ARFGEF2: variants seen among roughly 807,000 people sequenced by gnomAD.
ARFGEF2 encodes the protein brefeldin A-inhibited guanine nucleotide-exchange protein 2.
Under a neutral mutation model 219.9 loss-of-function variants are expected in ARFGEF2, and 74 were observed. That is an observed-to-expected ratio of 0.34 (90% confidence interval 0.28 to 0.41). The LOEUF is 0.41. ARFGEF2 is among the 10% of genes least tolerant of loss of function. ARFGEF2 has a pLI of 1.00. For missense variants in ARFGEF2, 1,743 were observed against 2,218.3 expected (o/e 0.79, Z 4.30); for synonymous variants, 733 against 799.2 (o/e 0.92, Z 1.40).
At chr20:49,017,428 A>G in intron 32 of ARFGEF2, 41 bp downstream of exon 32, 3 of 1,613,892 alleles carry the variant, frequency 1.9e-6, no homozygotes, top group East Asian at 4.5e-5. Flanking sequence ...CTCTGTGTTC[A>G]GTGGATGTCT....
chr20:48,985,285 A>C, intron 15 of ARFGEF2, 123 bp from the exon 16 acceptor site: 1 of 1,026,824 alleles, frequency 9.7e-7, no homozygotes, highest in Non-Finnish European at 1.5e-6. Context: ...TAGCTTTTTT[A>C]CCAGTCCAGC....
chr20:48,973,387 A>C (rs2091240515), intron 12 of ARFGEF2, 103 bp downstream of exon 12: 2 of 1,255,716 alleles, frequency 1.6e-6, no homozygotes, highest in African/African-American at 1.5e-5. Context: ...TACAGCAGTG[A>C]ACAAAACAGG....
At chr20:48,924,938 CT>C (rs1396515694) in intron 1 of ARFGEF2, among the ~76,000 whole-genome samples, 1 of 152,104 alleles carries the variant, frequency 6.6e-6, no homozygotes, top group Non-Finnish European at 1.5e-5. Flanking sequence ...CTTGCTATTA[CT>C]TTTTTATTAT....
At chr20:48,941,318 A>G in intron 2 of ARFGEF2, 89 bp downstream of exon 2, 4 of 1,362,212 alleles carry the variant, frequency 2.9e-6, no homozygotes, top group Non-Finnish European at 3.1e-6. Flanking sequence ...TTGGTTTCTC[A>G]TATTTCTAAT....
intron 6 of ARFGEF2, among the ~76,000 whole-genome samples, chr20:48,954,816 C>T (rs1019716875): frequency 1.3e-5 from 2 of 152,090 alleles, no homozygotes; most frequent in Non-Finnish European, 2.9e-5. Flanking sequence ...CTTCTGCTGT[C>T]GAGAGTCCTA....
intron 23 of ARFGEF2, among the ~76,000 whole-genome samples, chr20:48,996,314 G>T (rs558315503): frequency 6.6e-6 from 1 of 151,900 alleles, no homozygotes; most frequent in East Asian, 1.9e-4. Flanking sequence ...AATTAGTCAG[G>T]CGTGGTGGTG....
chr20:48,956,398 G>A (rs556543314), intron 6 of ARFGEF2, among the ~76,000 whole-genome samples: 105 of 152,110 alleles, frequency 6.9e-4, no homozygotes, highest in Non-Finnish European at 1.1e-3. Flanking sequence ...GGTGGCTCAC[G>A]CCTCCAATCC....
chr20:48,984,979 A>C (rs1377361970), intron 15 of ARFGEF2, 139 bp downstream of exon 15: 1 of 1,482,014 alleles, frequency 6.7e-7, no homozygotes, highest in East Asian at 2.5e-5. Flanking sequence ...TCTATTGTCC[A>C]CCCCCGGGTT....
At chr20:49,004,678 G>T (rs889875960) in intron 25 of ARFGEF2, among the ~76,000 whole-genome samples, 5 of 151,880 alleles carry the variant, frequency 3.3e-5, no homozygotes, top group Admixed American at 2.6e-4. Context: ...TGTAATCCCA[G>T]CTACTTGGGA....
In ARFGEF2 at chr20:48,984,825, G is replaced by A. The variant is rs2091317357; in HGVS notation, c.2055G>A (p.Glu685=). The A allele has an allele frequency of 6.2e-7, 1 of 1,612,590 alleles. No individual in the cohort carries two copies. Among genetic ancestry groups the A allele is most frequent in the South Asian group, 1.1e-5 (1 of 91,020 alleles). ...VEDIAQFLHQ[E]ERLDSTQVGD... ...ACATAGCCCAATTCCTGCACCAGGAGGAGCGCCTGGATTCCGTAAGGCTTG... is the reference window on the plus strand; with the variant it reads ...ACATAGCCCAATTCCTGCACCAGGAAGAGCGCCTGGATTCCGTAAGGCTTG... The change falls in exon 15 of 39, where the codon GAG becomes GAA. Residue 685 remains glutamate, a synonymous_variant. Transcript: ENST00000371917.
At chr20:48,948,900 A>G (rs2091047607) in intron 3 of ARFGEF2, among the ~76,000 whole-genome samples, 2 of 152,254 alleles carry the variant, frequency 1.3e-5, no homozygotes, top group South Asian at 4.1e-4. Flanking sequence ...GGCAGTATCT[A>G]CAAGTCACAC....
At chr20:48,937,294 C>T (rs2090964567) in intron 1 of ARFGEF2, among the ~76,000 whole-genome samples, 2 of 152,242 alleles carry the variant, frequency 1.3e-5, no homozygotes, top group South Asian at 2.1e-4. Context: ...TGAGTCAGGC[C>T]GCCCTCTCCC....
chr20:49,009,234 T>C (rs2091481610), intron 26 of ARFGEF2, among the ~76,000 whole-genome samples: 1 of 152,258 alleles, frequency 6.6e-6, no homozygotes, highest in Non-Finnish European at 1.5e-5. Context: ...GTTTACTTTG[T>C]GAACTTTCAG....
intron 3 of ARFGEF2, among the ~76,000 whole-genome samples, chr20:48,950,207 G>C (rs566149154): frequency 2.0e-5 from 3 of 152,100 alleles, no homozygotes; most frequent in African/African-American, 7.2e-5. Context: ...GCAGCTGCTC[G>C]TGGGTGACAC....
At chr20:48,978,361 T>C (rs180866667) in intron 14 of ARFGEF2, among the ~76,000 whole-genome samples, 4 of 152,352 alleles carry the variant, frequency 2.6e-5, no homozygotes, top group Admixed American at 6.5e-5. Context: ...AGTACCATGC[T>C]GTTTTGGTTA....
rs2091343398 is a variant in ARFGEF2, at chr20:48,989,213, T to G, written c.2534-72T>G. 17 of 1,543,178 alleles carry G rather than the reference T, an allele frequency of 1.1e-5. 1 individual carries two copies. In the Middle Eastern group the frequency reaches 2.1e-3, roughly 190 times the overall value. ...TTAGGAGTTAATCATTGTGCATCTT[T>G]TGAAACAGTGTATGGCATGTAGCCA... On this transcript the variant is annotated intron_variant, in intron 18 of 38. Coordinates refer to ENST00000371917, the MANE Select transcript of ARFGEF2 (RefSeq NM_006420.3).
At chr20:49,025,153 G>T (rs1272076555) in intron 35 of ARFGEF2, among the ~76,000 whole-genome samples, 160 bp from the exon 36 acceptor site, 1 of 152,224 alleles carries the variant, frequency 6.6e-6, no homozygotes, top group Admixed American at 6.5e-5. Context: ...CAGCCAGTGA[G>T]CAGAGTCTAA....
At chr20:48,993,222 C>T (rs1052642400) in intron 21 of ARFGEF2, among the ~76,000 whole-genome samples, 1 of 152,168 alleles carries the variant, frequency 6.6e-6, no homozygotes, top group African/African-American at 2.4e-5. Context: ...AAGTATATGG[C>T]AGAATCTAGA....
chr20:48,946,495 A>T (rs180812223), intron 3 of ARFGEF2, among the ~76,000 whole-genome samples: 194 of 134,356 alleles, frequency 1.4e-3, no homozygotes, highest in African/African-American at 4.2e-3. Flanking sequence ...ATATATATAT[A>T]TTTTTATTTT....
Sources: allele counts gnomAD v4.1 joint callset (sites outside exome capture counted in the v4.1 genomes callset), GRCh38; gene constraint gnomAD v4.1.1; transcripts MANE v1.5; gene names NCBI Gene and HGNC (gene_info 2026-07-23, HGNC 2026-07-21).